Variants in ARL1 observed in about 807,000 individuals in gnomAD.
ARL1 encodes the protein ARF like GTPase 1, also known as ADP-ribosylation factor-like protein 1.
Under a neutral mutation model 30.1 loss-of-function variants are expected in ARL1, and 17 were observed. The observed-to-expected ratio is 0.56, with a 90% CI of 0.39 to 0.85. The LOEUF (loss-of-function observed/expected upper bound fraction) is 0.85. Ranked by LOEUF, ARL1 falls within the 40% of genes least tolerant of loss-of-function variation. ARL1 has a pLI of 0.00. For missense variants in ARL1, 102 were observed against 212.6 expected (o/e 0.48, Z 3.24); for synonymous variants, 58 against 71.7 (o/e 0.81, Z 0.97).
At chr12:101,403,017 G>GCTGTAACTCAATT in intron 2 of ARL1, 71 bp from the exon 3 acceptor site, 4 of 931,176 alleles carry the variant, frequency 4.3e-6, no homozygotes, top group Non-Finnish European at 6.6e-6. Context: ...CTATCTAATT[G>GCTGTAACTCAATT]AGTTACAGCA....
At chr12:101,403,103 G>T in intron 2 of ARL1, 157 bp from the exon 3 acceptor site, 2 of 473,920 alleles carry the variant, frequency 4.2e-6, no homozygotes, top group Non-Finnish European at 7.5e-6. Flanking sequence ...AAAAAGAAAT[G>T]GTAATTGTTG....
intron 2 of ARL1, 121 bp from the exon 3 acceptor site, chr12:101,403,067 A>T (rs1418079796): frequency 9.8e-6 from 5 of 512,666 alleles, no homozygotes; most frequent in Admixed American, 3.6e-5. Flanking sequence ...ATATATATAT[A>T]TATAATTTGT....
intron 1 of ARL1, 170 bp downstream of exon 1, chr12:101,407,472 G>A: frequency 6.1e-6 from 5 of 820,186 alleles, no homozygotes; most frequent in Non-Finnish European, 9.4e-6. Flanking sequence ...GCGAGAGGCC[G>A]GATCCACCCC....
Position 101,401,192 on chromosome 12 carries a change from G to A in ARL1, c.225-19C>T. The A allele has an allele frequency of 6.6e-7, 1 of 1,517,626 alleles. No homozygotes were observed. Among genetic ancestry groups the A allele is most frequent in the Non-Finnish European group, 9.1e-7 (1 of 1,095,650 alleles). 94.0% of individuals were successfully genotyped at this position (1,517,626 alleles called of 1,614,324 possible). On this transcript the variant is annotated intron_variant, in intron 3 of 5. Transcript: ENST00000261636. Reference sequence around the variant, plus strand: ...GTATGGCCTAGAGAAAATTTAAAAGGGGAGAACATATTGTTATTGTTTTAA... The same window carrying A: ...GTATGGCCTAGAGAAAATTTAAAAGAGGAGAACATATTGTTATTGTTTTAA...
intron 4 of ARL1, among the ~76,000 whole-genome samples, chr12:101,399,283 C>T (rs534386259): frequency 8.6e-5 from 13 of 152,014 alleles, no homozygotes; most frequent in East Asian, 1.9e-4. Context: ...GATCAGGAGG[C>T]GGGCAAACTG....
At chr12:101,404,748 A>G (rs1295040418) in intron 2 of ARL1, among the ~76,000 whole-genome samples, 1 of 152,238 alleles carries the variant, frequency 6.6e-6, no homozygotes, top group Non-Finnish European at 1.5e-5. Context: ...AAGGCAACAA[A>G]TGAAAAAAGT....
rs1441114587 is a variant in ARL1, at chr12:101,395,460, C to T, written c.*180G>A. The T allele has an allele frequency of 1.3e-5, 7 of 557,188 alleles. No homozygotes were observed. Among genetic ancestry groups the T allele is most frequent in the South Asian group, 2.9e-5 (1 of 34,896 alleles). 34.5% of individuals were successfully genotyped at this position (557,188 alleles called of 1,614,324 possible). The stretch of plus-strand genomic sequence containing the variant: ...CATTACATAGAACATTCAGGTGATT[C>T]GATCAAATTATCCCTCCAACTAAAT... On this transcript the variant is annotated 3_prime_UTR_variant, in exon 6 of 6. Transcript: ENST00000261636.
chr12:101,406,356 T>A (rs1487023499), intron 1 of ARL1, among the ~76,000 whole-genome samples: 1 of 152,092 alleles, frequency 6.6e-6, no homozygotes, highest in Non-Finnish European at 1.5e-5. Context: ...GACAATGTAA[T>A]CCTCGCACAG....
chr12:101,394,846 T>C lies in ARL1; in HGVS notation c.*794A>G, dbSNP rs1296556220. On this transcript the variant is annotated 3_prime_UTR_variant, in exon 6 of 6. Transcript: ENST00000261636. Reference sequence around the variant, plus strand: ...CATTTTTGGGAATATATAGTATAGTTTATGAGTCAAGCTTCTGAACCAAAA... The same window carrying C: ...CATTTTTGGGAATATATAGTATAGTCTATGAGTCAAGCTTCTGAACCAAAA... 2 of 152,168 alleles carry C rather than the reference T, an allele frequency of 1.3e-5. No individual in the cohort carries two copies. Among genetic ancestry groups the C allele is most frequent in the Non-Finnish European group, 2.9e-5 (2 of 68,028 alleles). 9.4% of individuals were successfully genotyped at this position (152,168 alleles called of 1,614,324 possible).
chr12:101,406,919 A>C (rs1033839447), intron 1 of ARL1: 1 of 152,196 alleles, frequency 6.6e-6, no homozygotes, highest in Non-Finnish European at 1.5e-5. Flanking sequence ...GGATTTAACC[A>C]AGCCAAAGAA....
Position 101,393,513 on chromosome 12 carries a change from A to C in ARL1, c.*2127T>G, listed in dbSNP as rs887890269. 3.9e-5 allele frequency: 6 copies of C among 152,150 alleles called. No individual in the cohort carries two copies. The highest frequency in any genetic ancestry group is 1.4e-4 in the African/African-American group (6 of 41,444). The allele number at this position is 152,150 out of a possible 1,614,324, so 9.4% of individuals were successfully genotyped here. A position where few individuals can be genotyped will look rare whatever the true frequency, so the allele number is the denominator to read the frequency against. On this transcript the variant is annotated 3_prime_UTR_variant, in exon 6 of 6. Coordinates refer to ENST00000261636, the MANE Select transcript of ARL1 (RefSeq NM_001177.6). ...AGGCCTCTCATAAAACAATATTCAG[A>C]TTTGCCATGTATATATCAATATCCA...
In ARL1 at chr12:101,394,802, A is replaced by G. The variant is rs1871102147; in HGVS notation, c.*838T>C. 2 of 152,192 alleles carry G rather than the reference A, an allele frequency of 1.3e-5. No individual in the cohort carries two copies. The highest frequency in any genetic ancestry group is 4.8e-5 in the African/African-American group (2 of 41,450). The allele number at this position is 152,192 out of a possible 1,614,324, so 9.4% of individuals were successfully genotyped here. A position where few individuals can be genotyped will look rare whatever the true frequency, so the allele number is the denominator to read the frequency against. ...TAGCATAATTTTATTTAAGAGTTAG[A>G]CTGTGTTGTCAATACTGACATTTTT... On this transcript the variant is annotated 3_prime_UTR_variant, in exon 6 of 6. Transcript: ENST00000261636.
intron 4 of ARL1, among the ~76,000 whole-genome samples, chr12:101,398,603 C>T (rs1342629594): frequency 6.6e-6 from 1 of 151,898 alleles, no homozygotes; most frequent in East Asian, 2.0e-4. Flanking sequence ...GCGTGCGCTA[C>T]TACACCCGGC....
intron 2 of ARL1, chr12:101,405,634 G>T: frequency 2.9e-6 from 1 of 341,342 alleles, no homozygotes; most frequent in Non-Finnish European, 5.2e-6. Context: ...TTCAGAAATA[G>T]GCCTGGCATA....
At chr12:101,401,737 T>C (rs1001548479) in intron 3 of ARL1, among the ~76,000 whole-genome samples, 3 of 150,198 alleles carry the variant, frequency 2.0e-5, no homozygotes, top group Non-Finnish European at 2.9e-5. Context: ...GCTGACAAAA[T>C]TTATTTATAA....
intron 1 of ARL1, chr12:101,406,902 T>C (rs11110783): frequency 0.13 from 20,019 of 152,112 alleles, 1,502 homozygotes; most frequent in Middle Eastern, 0.24. Context: ...CCCAGAAAAC[T>C]GTGGAGGGAT....
chr12:101,404,441 G>A (rs1429161203), intron 2 of ARL1, among the ~76,000 whole-genome samples: 2 of 152,212 alleles, frequency 1.3e-5, no homozygotes, highest in Non-Finnish European at 2.9e-5. Context: ...ACTATCCACT[G>A]TGCTGCTCTG....
chr12:101,406,651 T>A (rs775290744), intron 1 of ARL1, among the ~76,000 whole-genome samples: 1 of 151,946 alleles, frequency 6.6e-6, no homozygotes, highest in Non-Finnish European at 1.5e-5. Context: ...CAAAAAAAAA[T>A]AGTTAACATC....
chr12:101,399,953 G>A (rs979726530), intron 4 of ARL1, among the ~76,000 whole-genome samples: 3 of 151,948 alleles, frequency 2.0e-5, no homozygotes, highest in Non-Finnish European at 4.4e-5. Flanking sequence ...TTGAGACAGA[G>A]TCTCACTCTT....
Sources: allele counts gnomAD v4.1 joint callset (sites outside exome capture counted in the v4.1 genomes callset), GRCh38; gene constraint gnomAD v4.1.1; transcripts MANE v1.5; gene names NCBI Gene and HGNC (gene_info 2026-07-23, HGNC 2026-07-21).